WEE1: variants seen among roughly 807,000 people sequenced by gnomAD.
The protein encoded by WEE1 is WEE1 G2 checkpoint kinase.
WEE1 carries 16 observed loss-of-function variants against 68.8 expected under a neutral mutation model. That is an observed-to-expected ratio of 0.23 (90% CI 0.16 to 0.35). WEE1 has a LOEUF of 0.35. Ranked by LOEUF, WEE1 falls within the 10% of genes least tolerant of loss-of-function variation. The probability of loss-of-function intolerance (pLI) is 1.00; values close to 1 mark genes in which losing one functional copy is unlikely to be tolerated. For synonymous variants in WEE1, 349 were observed against 318.7 expected, an observed-to-expected ratio of 1.09 and a Z score of -1.01; for missense variants, 651 against 824.1, an observed-to-expected ratio of 0.79 and a Z score of 2.57.
At chr11:9,587,728 C>A (rs1043786522) in intron 10 of WEE1, among the ~76,000 whole-genome samples, 9 of 152,054 alleles carry the variant, frequency 5.9e-5, no homozygotes, top group African/African-American at 1.7e-4. Flanking sequence ...ATTTCTAATT[C>A]TTTTGATTTA....
rs942064386 is a variant in WEE1 at position 9,589,428 on chromosome 11, C to T, written c.*826C>T. The T allele has an allele frequency of 3.0e-6, 3 of 984,866 alleles. No homozygotes were observed. In the African/African-American group the frequency reaches 5.2e-5, roughly 17 times the overall value. The allele number at this position is 984,866 out of a possible 1,614,324, so 61.0% of individuals were successfully genotyped here. The stretch of plus-strand genomic sequence containing the variant: ...CCCGGACTCTTTTTAAATGTCTCCC[C>T]CTAAGTTTTATACTTGATTGTATTA... On this transcript the variant is annotated 3_prime_UTR_variant, in exon 11 of 11. Coordinates refer to ENST00000450114, the MANE Select transcript of WEE1 (RefSeq NM_003390.4).
intron 6 of WEE1, among the ~76,000 whole-genome samples, chr11:9,583,580 A>T (rs1157121813): frequency 1.1e-4 from 16 of 139,902 alleles, no homozygotes; most frequent in Admixed American, 4.5e-4. Flanking sequence ...GCACCACTGC[A>T]CTCCAGCCTG....
Position 9,574,445 on chromosome 11 carries a change from C to T in WEE1, c.512C>T (p.Pro171Leu), listed in dbSNP as rs1206853790. The stretch of plus-strand genomic sequence containing the variant: ...CGCCGCTCGCCGCGGCCGGACCACC[C>T]GGGCACCCCGCCACACAAGACCTTC... ...EGRRSPRPDHPGTPPHKTFRK... is the reference protein window; with the variant it reads ...EGRRSPRPDHLGTPPHKTFRK... The change falls in exon 1 of 11, where the codon CCG (proline) becomes CTG (leucine). Residue 171 changes from proline (P) to leucine (L), a missense_variant. Physicochemically the swap from Pro to Leu is moderately conservative, Grantham distance 98. Transcript: ENST00000450114. This position sits in a 1 kb window ranked among gnomAD's most constrained non-coding sequence, Gnocchi z 4.9. 1 of 1,234,262 alleles carries T rather than the reference C, an allele frequency of 8.1e-7. No homozygotes were observed. Among genetic ancestry groups the T allele is most frequent in the Non-Finnish European group, 1.0e-6 (1 of 992,174 alleles). 76.5% of individuals were successfully genotyped at this position (1,234,262 alleles called of 1,614,324 possible).
In WEE1 at chr11:9,576,725, A is replaced by C; in HGVS notation, c.1019+66A>C. 1 of 1,502,898 alleles carries C rather than the reference A, an allele frequency of 6.7e-7. No individual in the cohort carries two copies. Among genetic ancestry groups the C allele is most frequent in the Non-Finnish European group, 9.0e-7 (1 of 1,117,294 alleles). 93.1% of individuals were successfully genotyped at this position (1,502,898 alleles called of 1,614,324 possible). On this transcript the variant is annotated intron_variant, in intron 4 of 10. Transcript: ENST00000450114. This position sits in a 1 kb window ranked among gnomAD's most constrained non-coding sequence, Gnocchi z 4.3. ...ATGGTGTTACTAACATTAAGGTTTC[A>C]GCTGGTCAAACACTGAATTCCATCT...
In WEE1 at chr11:9,574,156, C is replaced by G; in HGVS notation, c.223C>G (p.Arg75Gly). Residue 75 changes from arginine to glycine, a missense_variant, in exon 1 of 11, where the codon CGC (arginine) becomes GGC (glycine). Arg to Gly is a moderately radical substitution (Grantham distance 125). Coordinates refer to ENST00000450114, the MANE Select transcript of WEE1 (RefSeq NM_003390.4). This position sits in a 1 kb window ranked among gnomAD's most constrained non-coding sequence, Gnocchi z 4.9. Reference protein sequence around the residue: ...ARSPTEPGPERRRSPGPAPGS... With the variant: ...ARSPTEPGPEGRRSPGPAPGS... ...GAGCCCCACGGAGCCCGGGCCCGAG[C>G]GCCGCCGCTCGCCCGGGCCGGCCCC... 4.2e-6 allele frequency: 5 copies of G among 1,187,922 alleles called. No individual in the cohort carries two copies. In the East Asian group the frequency reaches 1.5e-4, roughly 35 times the overall value. 73.6% of individuals were successfully genotyped at this position (1,187,922 alleles called of 1,614,324 possible). A position where few individuals can be genotyped will look rare whatever the true frequency, so the allele number is the denominator to read the frequency against.
In WEE1 at chr11:9,586,857, G is replaced by T; in HGVS notation, c.1787+1G>T. 1 of 1,599,904 alleles carries T rather than the reference G, an allele frequency of 6.3e-7. No homozygotes were observed. Among genetic ancestry groups the T allele is most frequent in the Non-Finnish European group, 8.5e-7 (1 of 1,176,212 alleles). On this transcript the variant is annotated splice_donor_variant, in intron 10 of 10. Transcript: ENST00000450114. LOFTEE classifies it high-confidence loss of function. The stretch of plus-strand genomic sequence containing the variant: ...AGTTCAAAAATTCACTTTTACAAAA[G>T]TAAGTGAGGGTTTTATGTTTTCTTT...
Position 9,585,435 on chromosome 11 carries a change from C to A in WEE1, c.1385-7C>A. ...GCTCTTCACTGTAAGTTTTTCAATA[C>A]TTCTAGGTGATCTTGGGCATGTAAC... On this transcript the variant is annotated splice_region_variant and splice_polypyrimidine_tract_variant and intron_variant, in intron 7 of 10. Coordinates refer to ENST00000450114, the MANE Select transcript of WEE1 (RefSeq NM_003390.4). 6.2e-7 allele frequency: 1 copy of A among 1,608,552 alleles called. No individual in the cohort carries two copies. Among genetic ancestry groups the A allele is most frequent in the East Asian group, 2.2e-5 (1 of 44,820 alleles).
chr11:9,574,919 TGGGCGGCGC>T lies in WEE1; in HGVS notation c.576+415_576+423del. The stretch of plus-strand genomic sequence containing the variant: ...AAACGCGGCGATCGGGCCTGTAATT[TGGGCGGCGC>T]GGGCAGAAGGAGTTTAAAGAAAAAT... On this transcript the variant is annotated intron_variant, in intron 1 of 10. Coordinates refer to ENST00000450114, the MANE Select transcript of WEE1 (RefSeq NM_003390.4). This position sits in a 1 kb window ranked among gnomAD's most constrained non-coding sequence, Gnocchi z 4.9. The T allele has an allele frequency of 2.0e-6, 2 of 984,960 alleles. No homozygotes were observed. Among genetic ancestry groups the T allele is most frequent in the Non-Finnish European group, 2.4e-6 (2 of 829,980 alleles). 61.0% of individuals were successfully genotyped at this position (984,960 alleles called of 1,614,324 possible). A position where few individuals can be genotyped will look rare whatever the true frequency, so the allele number is the denominator to read the frequency against.
intron 6 of WEE1, among the ~76,000 whole-genome samples, chr11:9,582,524 GA>G (rs1248990299): frequency 1.3e-5 from 2 of 152,096 alleles, no homozygotes; most frequent in African/African-American, 4.8e-5. Flanking sequence ...TTATATGCTA[GA>G]ATTTCATATG....
chr11:9,589,713 A>G lies in WEE1; in HGVS notation c.*1111A>G, dbSNP rs1849741436. 12 of 985,580 alleles carry G rather than the reference A, an allele frequency of 1.2e-5. No homozygotes were observed. Among genetic ancestry groups the G allele is most frequent in the Admixed American group, 6.1e-5 (1 of 16,262 alleles). 61.1% of individuals were successfully genotyped at this position (985,580 alleles called of 1,614,324 possible). A position where few individuals can be genotyped will look rare whatever the true frequency, so the allele number is the denominator to read the frequency against. On this transcript the variant is annotated 3_prime_UTR_variant, in exon 11 of 11. Transcript: ENST00000450114. ...TGCACTTGTCTTTGACTTGTGTTTT[A>G]TTAACATTGATTGGCATATTAAAAG...
intron 10 of WEE1, among the ~76,000 whole-genome samples, chr11:9,587,652 G>A (rs911742558): frequency 4.6e-5 from 7 of 152,126 alleles, no homozygotes; most frequent in African/African-American, 1.4e-4. Context: ...TTTTCAAAAA[G>A]CTGGTTGCAA....
chr11:9,583,802 CATAT>C (rs371859938), intron 6 of WEE1, among the ~76,000 whole-genome samples: 182 of 17,498 alleles, frequency 0.01, no homozygotes, highest in Middle Eastern at 0.036. Flanking sequence ...CACACACACA[CATAT>C]ATATATATAT....
At chr11:9,579,747 T>A (rs1849604602) in intron 5 of WEE1, 1 of 152,240 alleles carries the variant, frequency 6.6e-6, no homozygotes, top group Non-Finnish European at 1.5e-5. Flanking sequence ...TCTAGAGCAC[T>A]CTTTCCCCTC....
chr11:9,573,795 A>T lies in WEE1; in HGVS notation c.-139A>T. On this transcript the variant is annotated 5_prime_UTR_variant, in exon 1 of 11. Coordinates refer to ENST00000450114, the MANE Select transcript of WEE1 (RefSeq NM_003390.4). ...CGCAGCCCGAGCGCCCCGGAGCCGCAGGCCGCCGCCGCGCAGAGACGCCGC... is the reference window on the plus strand; with the variant it reads ...CGCAGCCCGAGCGCCCCGGAGCCGCTGGCCGCCGCCGCGCAGAGACGCCGC... The T allele has an allele frequency of 3.1e-6, 2 of 646,752 alleles. No individual in the cohort carries two copies. The highest frequency in any genetic ancestry group is 7.1e-5 in the South Asian group (1 of 14,168). 40.1% of individuals were successfully genotyped at this position (646,752 alleles called of 1,614,324 possible).
chr11:9,583,807 A>G (rs1390150081), intron 6 of WEE1, among the ~76,000 whole-genome samples: 2 of 14,126 alleles, frequency 1.4e-4, no homozygotes, highest in East Asian at 2.2e-3. Context: ...ACACACATAT[A>G]TATATATATA....
Position 9,574,740 on chromosome 11 carries a change from C to A in WEE1, c.576+231C>A. ...AACTTCATCTTACAAAGGGGCCGATCGGCCCGTCCGGGTGGCCAAGGATTT... is the reference window on the plus strand; with the variant it reads ...AACTTCATCTTACAAAGGGGCCGATAGGCCCGTCCGGGTGGCCAAGGATTT... On this transcript the variant is annotated intron_variant, in intron 1 of 10. Transcript: ENST00000450114. This position sits in a 1 kb window ranked among gnomAD's most constrained non-coding sequence, Gnocchi z 4.9. 1 of 1,034,156 alleles carries A rather than the reference C, an allele frequency of 9.7e-7. No individual in the cohort carries two copies. The highest frequency in any genetic ancestry group is 1.2e-6 in the Non-Finnish European group (1 of 862,392). 64.1% of individuals were successfully genotyped at this position (1,034,156 alleles called of 1,614,324 possible).
chr11:9,586,495 C>T lies in WEE1; in HGVS notation c.1517C>T (p.Thr506Ile). 6.2e-7 allele frequency: 1 copy of T among 1,614,038 alleles called. No individual in the cohort carries two copies. Among genetic ancestry groups the T allele is most frequent in the Non-Finnish European group, 8.5e-7 (1 of 1,179,954 alleles). ...GCAGATATTTTTGCGCTTGCCCTCA[C>T]AGTGGTATGTGCTGCTGGTGCTGAA... Reference protein sequence around the residue: ...PKADIFALALTVVCAAGAEPL... With the variant: ...PKADIFALALIVVCAAGAEPL... Residue 506 changes from threonine (T) to isoleucine (I), a missense_variant, in exon 9 of 11, where the codon ACA becomes ATA. Coordinates refer to ENST00000450114, the MANE Select transcript of WEE1 (RefSeq NM_003390.4).
chr11:9,586,375 T>C, intron 8 of WEE1, 74 bp from the exon 9 acceptor site: 1 of 1,379,624 alleles, frequency 7.2e-7, no homozygotes, highest in Non-Finnish European at 1.0e-6. Context: ...TTCACCTAAG[T>C]CATCTTTGAG....
intron 5 of WEE1, chr11:9,577,895 G>A (rs996742647): frequency 1.3e-5 from 6 of 455,924 alleles, no homozygotes; most frequent in Admixed American, 4.7e-5. Flanking sequence ...TTTCAGTTTC[G>A]GTAAGTCCTT....
Sources: gnomAD v4.1 joint callset for allele counts (sites outside exome capture counted in the v4.1 genomes callset) on GRCh38, gnomAD v4.1.1 for gene constraint, Gnocchi (gnomAD v3.1) non-coding constraint, MANE v1.5 for transcripts, NCBI Gene and HGNC (gene_info 2026-07-23, HGNC 2026-07-21) for gene names.